Variants in LY86 observed in about 807,000 individuals in gnomAD.
The protein encoded by LY86 is MD-1, RP105-associated.
LY86 carries 20 observed loss-of-function variants against 17.3 expected under a neutral mutation model. The observed-to-expected ratio is 1.15, with a 90% CI of 0.81 to 1.68. The LOEUF is 1.68. Among genes scored for constraint, LY86 ranks in the 40% most tolerant of loss-of-function variants. The probability of loss-of-function intolerance (pLI) is 0.00; values close to 1 mark genes in which losing one functional copy is unlikely to be tolerated. For synonymous variants in LY86, 74 were observed against 70.6 expected (o/e 1.05, Z -0.24); for missense variants, 200 against 191.9 (o/e 1.04, Z -0.25).
intron 1 of LY86, among the ~76,000 whole-genome samples, chr6:6,599,384 C>G (rs138363992): frequency 1.3e-5 from 2 of 152,328 alleles, no homozygotes; most frequent in African/African-American, 4.8e-5. Flanking sequence ...CTTAACCTAC[C>G]CTCTAGCATT....
chr6:6,627,173 T>C (rs533520774), intron 3 of LY86, among the ~76,000 whole-genome samples: 1 of 152,160 alleles, frequency 6.6e-6, no homozygotes, highest in South Asian at 2.1e-4. Context: ...AGGGTCTCCT[T>C]CCTACTCCCA....
At chr6:6,628,699 C>T (rs1761847105) in intron 3 of LY86, among the ~76,000 whole-genome samples, 1 of 152,096 alleles carries the variant, frequency 6.6e-6, no homozygotes, top group Non-Finnish European at 1.5e-5. Flanking sequence ...TGTGTCCCTC[C>T]CAATTAAACT....
intron 1 of LY86, among the ~76,000 whole-genome samples, chr6:6,615,487 C>T (rs559587413): frequency 2.0e-5 from 3 of 152,158 alleles, no homozygotes; most frequent in East Asian, 3.9e-4. Context: ...TTTGGGAGGC[C>T]GAAACGGGTG....
chr6:6,620,892 A>T (rs1380600251), intron 1 of LY86: 3 of 152,302 alleles, frequency 2.0e-5, no homozygotes, highest in Non-Finnish European at 4.4e-5. Context: ...TGCAAAACAG[A>T]TGCTGCTGGC....
At chr6:6,633,464 G>T (rs960130748) in intron 3 of LY86, among the ~76,000 whole-genome samples, 5 of 152,122 alleles carry the variant, frequency 3.3e-5, no homozygotes, top group African/African-American at 1.2e-4. Flanking sequence ...ATAGTTAAAC[G>T]TGTGCCATGG....
At chr6:6,643,591 A>G (rs1344856731) in intron 3 of LY86, among the ~76,000 whole-genome samples, 1 of 152,268 alleles carries the variant, frequency 6.6e-6, no homozygotes, top group Non-Finnish European at 1.5e-5. Flanking sequence ...CGTACAGCAC[A>G]GTGACTACTG....
chr6:6,647,324 C>T (rs940972774), intron 3 of LY86, among the ~76,000 whole-genome samples: 1 of 152,202 alleles, frequency 6.6e-6, no homozygotes, highest in African/African-American at 2.4e-5. Flanking sequence ...TCCCTTGGAA[C>T]AACAAATATG....
intron 1 of LY86, among the ~76,000 whole-genome samples, chr6:6,602,180 T>C (rs902515771): frequency 1.2e-4 from 18 of 152,226 alleles, no homozygotes; most frequent in African/African-American, 3.9e-4. Flanking sequence ...TCCTGAAGAA[T>C]GCTAATTATA....
intron 4 of LY86, among the ~76,000 whole-genome samples, chr6:6,653,232 A>G (rs1762213718): frequency 6.6e-6 from 1 of 151,956 alleles, no homozygotes; most frequent in Non-Finnish European, 1.5e-5. Flanking sequence ...TCATTGCTAG[A>G]AAGTTGCTCC....
chr6:6,607,297 A>G (rs1003342780), intron 1 of LY86, among the ~76,000 whole-genome samples: 2 of 152,234 alleles, frequency 1.3e-5, no homozygotes, highest in South Asian at 4.1e-4. Flanking sequence ...AATGGTTAAG[A>G]TGGGAAATTC....
At chr6:6,613,789 G>A (rs973628648) in intron 1 of LY86, among the ~76,000 whole-genome samples, 1 of 152,382 alleles carries the variant, frequency 6.6e-6, no homozygotes, top group Non-Finnish European at 1.5e-5. Flanking sequence ...CTGCCAGCAT[G>A]CTGTCACCTC....
chr6:6,624,293 ATAT>A (rs981471685), intron 1 of LY86, among the ~76,000 whole-genome samples: 5 of 151,092 alleles, frequency 3.3e-5, no homozygotes, highest in African/African-American at 1.2e-4. Context: ...TATGCAGAAA[ATAT>A]TATCTTTATA....
chr6:6,589,555 G>A (rs903542306), intron 1 of LY86, among the ~76,000 whole-genome samples: 19 of 152,144 alleles, frequency 1.2e-4, no homozygotes, highest in African/African-American at 4.1e-4. Flanking sequence ...CCAACCAATC[G>A]GGCTGTGTCT....
intron 1 of LY86, among the ~76,000 whole-genome samples, chr6:6,612,667 C>A (rs1761414510): frequency 6.6e-6 from 1 of 152,216 alleles, no homozygotes; most frequent in Non-Finnish European, 1.5e-5. Flanking sequence ...TTACAGAGAG[C>A]TGATTGGTCC....
intron 3 of LY86, among the ~76,000 whole-genome samples, chr6:6,649,246 C>T (rs1762151118): frequency 6.6e-6 from 1 of 152,186 alleles, no homozygotes; most frequent in African/African-American, 2.4e-5. Flanking sequence ...TAAAATCCAC[C>T]CCCATGATTC....
chr6:6,595,140 G>A (rs1184088324), intron 1 of LY86, among the ~76,000 whole-genome samples: 1 of 150,582 alleles, frequency 6.6e-6, no homozygotes, highest in Non-Finnish European at 1.5e-5. Context: ...GTGAGGGAGA[G>A]GGAAAGAGAG....
In LY86 at chr6:6,649,605, T is replaced by A; in HGVS notation, c.353-20T>A. On this transcript the variant is annotated intron_variant, in intron 3 of 4. Coordinates refer to ENST00000230568, the MANE Select transcript of LY86 (RefSeq NM_004271.4). Reference sequence around the variant, plus strand: ...TTAAATGATTGAATAACATCATCTATGCTTTATATATTTTTTCAGAGCAGA... The same window carrying A: ...TTAAATGATTGAATAACATCATCTAAGCTTTATATATTTTTTCAGAGCAGA... 2 of 1,453,992 alleles carry A rather than the reference T, an allele frequency of 1.4e-6. No individual in the cohort carries two copies. The highest frequency in any genetic ancestry group is 9.6e-7 in the Non-Finnish European group (1 of 1,046,974). The allele number at this position is 1,453,992 out of a possible 1,614,324, so 90.1% of individuals were successfully genotyped here.
At chr6:6,650,768 A>G (rs960746812) in intron 4 of LY86, among the ~76,000 whole-genome samples, 1 of 152,200 alleles carries the variant, frequency 6.6e-6, no homozygotes, top group Non-Finnish European at 1.5e-5. Context: ...CACTGAATAC[A>G]TTTTTCTTAA....
chr6:6,602,872 T>C lies in LY86; in HGVS notation c.136+14002T>C, dbSNP rs1581233684. ...CAGAAAGCCCTCAAGCAAAGAGTTATAGGTGTTTACAGGAAGAAATCTTTG... is the reference window on the plus strand; with the variant it reads ...CAGAAAGCCCTCAAGCAAAGAGTTACAGGTGTTTACAGGAAGAAATCTTTG... On this transcript the variant is annotated intron_variant, in intron 1 of 4. Transcript: ENST00000230568. 1.3e-5 allele frequency among the ~76,000 whole-genome samples: 2 copies of C among 152,150 alleles called. 1 individual carries two copies. Among genetic ancestry groups the C allele is most frequent in the Admixed American group, 1.3e-4 (2 of 15,284 alleles).
Sources: allele counts gnomAD v4.1 joint callset (sites outside exome capture counted in the v4.1 genomes callset), GRCh38; gene constraint gnomAD v4.1.1; transcripts MANE v1.5; gene names NCBI Gene and HGNC (gene_info 2026-07-23, HGNC 2026-07-21).